Variants in CYTIP observed in about 807,000 individuals in gnomAD.
CYTIP encodes the protein cytohesin 1 interacting protein, also known as cytohesin-interacting protein.
A neutral mutation model predicts 43.8 loss-of-function variants in CYTIP; 26 were observed. The observed-to-expected ratio is 0.59, with a 90% CI of 0.44 to 0.82. The LOEUF is 0.82. CYTIP is among the 40% of genes least tolerant of loss of function. The probability of loss-of-function intolerance (pLI) is 0.00; values close to 1 mark genes in which losing one functional copy is unlikely to be tolerated. For missense variants in CYTIP, 426 were observed against 443.1 expected (o/e 0.96, Z 0.35); for synonymous variants, 162 against 162.9 (o/e 0.99, Z 0.04).
intron 1 of CYTIP, among the ~76,000 whole-genome samples, chr2:157,436,944 T>G (rs1210022338): frequency 6.6e-6 from 1 of 152,034 alleles, no homozygotes; most frequent in African/African-American, 2.4e-5. Context: ...AAAGTAAAAT[T>G]TAAAAATCTT....
At position 157,432,705 on chromosome 2, in the gene CYTIP, A is replaced by C. The variant is rs144249383; in HGVS notation, c.279+1665T>G. 1.0e-3 allele frequency among the ~76,000 whole-genome samples: 157 copies of C among 152,242 alleles called. 1 individual carries two copies. The highest frequency in any genetic ancestry group is 3.7e-3 in the African/African-American group (153 of 41,536). ...GTCTCTTCCAAAGTGTCATTCCTCT[A>C]GTAGGCCACATCCCAAACATGTACT... is the stretch of plus-strand genomic sequence containing the variant. On this transcript the variant is annotated intron_variant, in intron 3 of 7. Transcript: ENST00000264192.
At chr2:157,437,308 C>T (rs924601924) in intron 1 of CYTIP, among the ~76,000 whole-genome samples, 1 of 151,904 alleles carries the variant, frequency 6.6e-6, no homozygotes. Flanking sequence ...TTGCAAACTA[C>T]TCATTTATAT....
chr2:157,429,751 C>T (rs1459861584), intron 5 of CYTIP, among the ~76,000 whole-genome samples: 4 of 151,996 alleles, frequency 2.6e-5, no homozygotes, highest in Admixed American at 2.0e-4. Context: ...GGGCCAGGGG[C>T]GGTGGCTCAT....
In CYTIP at chr2:157,430,957, G is replaced by GT; in HGVS notation, c.284dup (p.Tyr95Ter). 1.2e-6 allele frequency: 2 copies of GT among 1,604,864 alleles called. No individual in the cohort carries two copies. The highest frequency in any genetic ancestry group is 1.7e-6 in the Non-Finnish European group (2 of 1,177,266). ...NETFGFEIQS[Y>*]RPQNQNACSS... is the part of the protein sequence containing the mutation. Reference sequence around the variant, plus strand: ...AGCAGGCATTCTGATTCTGGGGCCTGTAAGACTGTAAAAATTAAGATGATA... The same window carrying GT: ...AGCAGGCATTCTGATTCTGGGGCCTGTTAAGACTGTAAAAATTAAGATGATA... The change falls in exon 4 of 8, where the codon TAC (tyrosine) becomes TAAC (stop). Residue 95 changes from tyrosine to a stop codon, truncating the protein, a stop_gained and frameshift_variant. Transcript: ENST00000264192. LOFTEE classifies it high-confidence loss of function.
At chr2:157,439,738 T>C (rs777354319) in intron 1 of CYTIP, among the ~76,000 whole-genome samples, 2 of 152,246 alleles carry the variant, frequency 1.3e-5, no homozygotes, top group Non-Finnish European at 2.9e-5. Context: ...GACTGCTGAA[T>C]AGACAAAGCT....
intron 1 of CYTIP, among the ~76,000 whole-genome samples, chr2:157,438,189 A>G (rs1448505934): frequency 6.6e-6 from 1 of 152,268 alleles, no homozygotes; most frequent in Non-Finnish European, 1.5e-5. Flanking sequence ...AATACAATTC[A>G]GCCATAAAAA....
rs777589285 is a variant in CYTIP, at chr2:157,430,839, A to G, written c.382+21T>C. The G allele has an allele frequency of 7.5e-6, 12 of 1,591,288 alleles. No homozygotes were observed. In the East Asian group the frequency reaches 8.9e-5, roughly 12 times the overall value. ...TCTTTCCATTTAAATGATTCCTAAC[A>G]TGAGCAAAAATTTAAGTTACCAGCT... On this transcript the variant is annotated intron_variant, in intron 4 of 7. Transcript: ENST00000264192.
chr2:157,433,275 C>T (rs564467788), intron 3 of CYTIP, among the ~76,000 whole-genome samples: 1 of 152,126 alleles, frequency 6.6e-6, no homozygotes, highest in South Asian at 2.1e-4. Context: ...ATAGATTTCA[C>T]CAGTTACTGT....
At chr2:157,442,866 G>C (rs1428637495) in intron 1 of CYTIP, among the ~76,000 whole-genome samples, 2 of 152,098 alleles carry the variant, frequency 1.3e-5, no homozygotes, top group Non-Finnish European at 2.9e-5. Context: ...CAAGACTTAA[G>C]CGCAAAAATT....
rs1283086353 is a variant in CYTIP at position 157,434,687 on chromosome 2, A to C, written c.224+11T>G. On this transcript the variant is annotated intron_variant, in intron 2 of 7. Transcript: ENST00000264192. ...TTTTGGGAGAGACAAAAAATAATTC[A>C]ATCTCTTTACCTTTGAGACCAGGAA... The C allele has an allele frequency of 6.2e-7, 1 of 1,602,332 alleles. No homozygotes were observed. Among genetic ancestry groups the C allele is most frequent in the Admixed American group, 1.7e-5 (1 of 59,528 alleles).
intron 7 of CYTIP, among the ~76,000 whole-genome samples, chr2:157,417,879 G>C (rs1047611816): frequency 6.6e-6 from 1 of 152,180 alleles, no homozygotes; most frequent in Non-Finnish European, 1.5e-5. Flanking sequence ...CACCCACGTA[G>C]TGGTTTCAGT....
In CYTIP at chr2:157,444,073, G is replaced by C; in HGVS notation, c.-53C>G. The C allele has an allele frequency of 6.4e-7, 1 of 1,566,538 alleles. No individual in the cohort carries two copies. The highest frequency in any genetic ancestry group is 1.1e-5 in the South Asian group (1 of 89,330). On this transcript the variant is annotated 5_prime_UTR_variant, in exon 1 of 8. Transcript: ENST00000264192. ...CATGGTTGAGTGGCCTTGCAGGATG[G>C]GGGAAGCTAAAAGTACAACTGTGAC... is the stretch of plus-strand genomic sequence containing the variant.
chr2:157,426,409 C>T (rs1355386829), intron 6 of CYTIP, among the ~76,000 whole-genome samples: 1 of 151,878 alleles, frequency 6.6e-6, no homozygotes, highest in Non-Finnish European at 1.5e-5. Context: ...AGCACAGTGG[C>T]AAGAGTATCC....
intron 3 of CYTIP, 44 bp downstream of exon 3, chr2:157,434,326 C>A (rs200463085): frequency 8.2e-6 from 12 of 1,468,602 alleles, no homozygotes; most frequent in Non-Finnish European, 1.1e-5. Flanking sequence ...ACTACCGGTG[C>A]CACTTTCTTC....
intron 7 of CYTIP, among the ~76,000 whole-genome samples, chr2:157,417,575 A>C (rs1315185487): frequency 6.6e-6 from 1 of 152,188 alleles, no homozygotes; most frequent in Non-Finnish European, 1.5e-5. Flanking sequence ...TTTGTATTAA[A>C]TATTTCTGCC....
chr2:157,441,302 A>G (rs2105148097), intron 1 of CYTIP, among the ~76,000 whole-genome samples: 1 of 152,318 alleles, frequency 6.6e-6, no homozygotes, highest in African/African-American at 2.4e-5. Flanking sequence ...AAACCAGTTA[A>G]AGGAAATGAA....
intron 7 of CYTIP, among the ~76,000 whole-genome samples, chr2:157,417,755 A>C (rs760963160): frequency 2.6e-5 from 4 of 152,020 alleles, no homozygotes; most frequent in Non-Finnish European, 5.9e-5. Flanking sequence ...GTGACTAGTT[A>C]AGGATTAAAT....
At chr2:157,430,696 A>G (rs2105140720) in intron 4 of CYTIP, 44 bp from the exon 5 acceptor site, 1 of 1,567,286 alleles carries the variant, frequency 6.4e-7, no homozygotes, top group African/African-American at 1.4e-5. Flanking sequence ...GGTTAGTTAA[A>G]TAATCCCTCC....
At chr2:157,442,472 C>CAAAAAAA (rs35681381) in intron 1 of CYTIP, among the ~76,000 whole-genome samples, 1 of 136,194 alleles carries the variant, frequency 7.3e-6, no homozygotes, top group Non-Finnish European at 1.6e-5. Context: ...CAGTCTCCAG[C>CAAAAAAA]AAAAAAAAAA....
Sources: gnomAD v4.1 joint callset for allele counts (sites outside exome capture counted in the v4.1 genomes callset) on GRCh38, gnomAD v4.1.1 for gene constraint, MANE v1.5 for transcripts, NCBI Gene and HGNC (gene_info 2026-07-23, HGNC 2026-07-21) for gene names.